SPAG16: variants seen among roughly 807,000 people sequenced by gnomAD.
SPAG16 encodes sperm associated antigen 16, also known as sperm-associated antigen 16 protein.
A neutral mutation model predicts 80.4 loss-of-function variants in SPAG16; 86 were observed. The ratio of observed to expected loss-of-function variants is 1.07; its 90% CI spans 0.90 to 1.28. The LOEUF (loss-of-function observed/expected upper bound fraction) is 1.28, where lower values mean the gene tolerates loss of function less well. Among genes scored for constraint, SPAG16 ranks in the 50% most tolerant of loss-of-function variants. The pLI is 0.00. For synonymous variants in SPAG16, 294 were observed against 265.9 expected, an observed-to-expected ratio of 1.11 and a Z score of -1.03; for missense variants, 870 against 765.3, an observed-to-expected ratio of 1.14 and a Z score of -1.61.
chr2:213,789,270 A>C (rs1047398779), intron 10 of SPAG16, among the ~76,000 whole-genome samples: 2 of 151,982 alleles, frequency 1.3e-5, no homozygotes, highest in Non-Finnish European at 2.9e-5. Flanking sequence ...TAGTAAGATG[A>C]ACACCATTTT....
rs997423317 is a variant in SPAG16 at position 214,103,479 on chromosome 2, T to C, written c.1528-4717T>C. ...TTTCTGCTACTCTAATGACTGGTTG[T>C]AAGAGAGACGTCAGGAAATTAGATC... On this transcript the variant is annotated intron_variant, in intron 13 of 15. Coordinates refer to ENST00000331683, the MANE Select transcript of SPAG16 (RefSeq NM_024532.5). Among the ~76,000 whole-genome samples the C allele has an allele frequency of 3.3e-5, 5 of 152,174 alleles. No homozygotes were observed. In the South Asian group the frequency reaches 1.0e-3, roughly 31 times the overall value.
At chr2:213,512,793 G>A (rs867392577) in intron 10 of SPAG16, among the ~76,000 whole-genome samples, 12 of 151,868 alleles carry the variant, frequency 7.9e-5, no homozygotes, top group South Asian at 6.2e-4. Flanking sequence ...CATTTCCTGC[G>A]TTTATTGGGA....
At chr2:213,500,464 C>G (rs2074692187) in intron 10 of SPAG16, among the ~76,000 whole-genome samples, 1 of 152,160 alleles carries the variant, frequency 6.6e-6, no homozygotes, top group Non-Finnish European at 1.5e-5. Context: ...GAAAAGTGGT[C>G]TTGAATCGAG....
At chr2:213,377,904 T>TA (rs1491275068) in intron 9 of SPAG16, among the ~76,000 whole-genome samples, 1,177 of 15,370 alleles carry the variant, frequency 0.077, 16 homozygotes, top group African/African-American at 0.32. Flanking sequence ...TATATATATA[T>TA]TTTTTTTTTT....
intron 13 of SPAG16, among the ~76,000 whole-genome samples, chr2:214,101,549 C>T (rs934407137): frequency 6.6e-6 from 1 of 152,106 alleles, no homozygotes; most frequent in Non-Finnish European, 1.5e-5. Flanking sequence ...TAAGCCAGAA[C>T]TCATTACATG....
At chr2:213,925,888 CCCT>C (rs559340433) in intron 11 of SPAG16, among the ~76,000 whole-genome samples, 61 of 151,834 alleles carry the variant, frequency 4.0e-4, no homozygotes, top group Non-Finnish European at 7.7e-4. Flanking sequence ...TTTCTTTTTT[CCCT>C]CCTTTTTTTC....
intron 9 of SPAG16, among the ~76,000 whole-genome samples, chr2:213,421,852 G>A (rs972935780): frequency 7.2e-5 from 11 of 152,074 alleles, no homozygotes; most frequent in African/African-American, 1.4e-4. Flanking sequence ...CGACCTGCCC[G>A]CAGAAAGGAG....
chr2:213,847,490 C>A (rs1420595888), intron 10 of SPAG16, among the ~76,000 whole-genome samples: 1 of 152,078 alleles, frequency 6.6e-6, no homozygotes, highest in African/African-American at 2.4e-5. Flanking sequence ...AGGTGTCACA[C>A]ACTTTGAAAC....
intron 15 of SPAG16, among the ~76,000 whole-genome samples, chr2:214,328,668 A>G (rs950624566): frequency 4.6e-5 from 7 of 152,244 alleles, no homozygotes; most frequent in Admixed American, 1.3e-4. Flanking sequence ...TTATAAAATT[A>G]TATAGTTCAA....
At chr2:214,073,137 G>A (rs377394381) in intron 13 of SPAG16, among the ~76,000 whole-genome samples, 2 of 151,470 alleles carry the variant, frequency 1.3e-5, no homozygotes, top group South Asian at 2.1e-4. Context: ...AACACTTAAA[G>A]TAGCAATAAA....
chr2:213,441,708 G>A (rs2070967063), intron 9 of SPAG16, among the ~76,000 whole-genome samples: 1 of 152,158 alleles, frequency 6.6e-6, no homozygotes, highest in South Asian at 2.1e-4. Flanking sequence ...GTTTGAAGAC[G>A]ACATGATTAC....
chr2:214,395,506 G>A (rs1701314012), intron 15 of SPAG16, among the ~76,000 whole-genome samples: 1 of 152,042 alleles, frequency 6.6e-6, no homozygotes, highest in Admixed American at 6.6e-5. Flanking sequence ...GTTGTTTAAG[G>A]TATTTGACCC....
At chr2:213,594,121 C>A (rs2060806812) in intron 10 of SPAG16, among the ~76,000 whole-genome samples, 1 of 152,122 alleles carries the variant, frequency 6.6e-6, no homozygotes, top group Non-Finnish European at 1.5e-5. Flanking sequence ...CTTTGAGTCA[C>A]ACATATTTTT....
intron 14 of SPAG16, among the ~76,000 whole-genome samples, chr2:214,137,393 G>C (rs2055118018): frequency 6.6e-6 from 1 of 151,924 alleles, no homozygotes; most frequent in South Asian, 2.1e-4. Flanking sequence ...ATATAGTTTA[G>C]CTATATAATT....
At chr2:213,322,627 T>C (rs895149398) in intron 5 of SPAG16, among the ~76,000 whole-genome samples, 4 of 152,210 alleles carry the variant, frequency 2.6e-5, no homozygotes, top group African/African-American at 9.6e-5. Flanking sequence ...AAACAGTTGA[T>C]ACTCTTTAAG....
At chr2:213,721,392 C>G (rs2066529257) in intron 10 of SPAG16, among the ~76,000 whole-genome samples, 2 of 152,204 alleles carry the variant, frequency 1.3e-5, no homozygotes, top group Admixed American at 6.5e-5. Context: ...AGCCACCGCG[C>G]CTGGCCTATA....
At chr2:213,540,296 C>A (rs901121847) in intron 10 of SPAG16, among the ~76,000 whole-genome samples, 1 of 152,062 alleles carries the variant, frequency 6.6e-6, no homozygotes, top group Non-Finnish European at 1.5e-5. Flanking sequence ...GTGATCCACA[C>A]GCCTTGGCCT....
intron 15 of SPAG16, among the ~76,000 whole-genome samples, chr2:214,269,163 A>G (rs1691808548): frequency 6.6e-6 from 1 of 152,004 alleles, no homozygotes; most frequent in Non-Finnish European, 1.5e-5. Context: ...TTCAGTTTAA[A>G]CATGAAAATC....
At chr2:213,678,541 G>T (rs1411826484) in intron 10 of SPAG16, among the ~76,000 whole-genome samples, 1 of 152,146 alleles carries the variant, frequency 6.6e-6, no homozygotes, top group Non-Finnish European at 1.5e-5. Flanking sequence ...AAATCTTGCT[G>T]CTCTTAACCA....
Sources: gnomAD v4.1 joint callset for allele counts (sites outside exome capture counted in the v4.1 genomes callset) on GRCh38, gnomAD v4.1.1 for gene constraint, MANE v1.5 for transcripts, NCBI Gene and HGNC (gene_info 2026-07-23, HGNC 2026-07-21) for gene names.